The following FGF13 variants were observed in gnomAD, a reference collection of about 807,000 sequenced individuals.
FGF13 encodes the protein fibroblast growth factor homologous factor 2.
A neutral mutation model predicts 19.5 loss-of-function variants in FGF13; 2 were observed. That is an observed-to-expected ratio of 0.10 (90% CI 0.04 to 0.32). The LOEUF is 0.32. FGF13 is among the 10% of genes least tolerant of loss of function. The probability of loss-of-function intolerance (pLI) is 1.00; values close to 1 mark genes in which losing one functional copy is unlikely to be tolerated. For synonymous variants in FGF13, 72 were observed against 76.9 expected (o/e 0.94, Z 0.33); for missense variants, 113 against 192.7 (o/e 0.59, Z 2.45).
At chrX:138,996,621 C>A (rs1306567927) in intron 1 of FGF13, among the ~76,000 whole-genome samples, 3 of 112,714 alleles carry the variant, frequency 2.7e-5, no homozygotes, top group Non-Finnish European at 3.8e-5. Flanking sequence ...CCGACTGCCT[C>A]TCTAGATTCT....
intron 1 of FGF13, among the ~76,000 whole-genome samples, chrX:138,913,638 GAGGAAGGAAGGAAGGAAGGA>G (rs747877973): frequency 0.012 from 740 of 61,769 alleles, 19 homozygotes; most frequent in African/African-American, 0.037. Context: ...AGGAGGGATG[GAGGAAGGAAGGAAGGAAGGA>G]AGGAAGGAAG....
At chrX:138,865,459 CT>C (rs1205451361) in intron 1 of FGF13, among the ~76,000 whole-genome samples, 1 of 83,901 alleles carries the variant, frequency 1.2e-5, no homozygotes, top group Non-Finnish European at 2.3e-5. Context: ...TCCTCTCTCT[CT>C]CTCTCTCTCT....
chrX:138,649,939 A>G (rs1170314723), intron 3 of FGF13, among the ~76,000 whole-genome samples: 1 of 112,193 alleles, frequency 8.9e-6, no homozygotes, highest in African/African-American at 3.2e-5. Flanking sequence ...CATTTAATGA[A>G]GAGTTTACTC....
chrX:138,699,925 G>C (rs1157094018), intron 3 of FGF13, among the ~76,000 whole-genome samples: 1 of 110,867 alleles, frequency 9.0e-6, no homozygotes, highest in African/African-American at 3.3e-5. Flanking sequence ...GCTTTTTCCC[G>C]CTTTATTCAG....
chrX:138,833,614 T>G (rs1394477912), intron 3 of FGF13, among the ~76,000 whole-genome samples: 1 of 111,720 alleles, frequency 9.0e-6, no homozygotes, highest in Admixed American at 9.5e-5. Context: ...AGGGATAATT[T>G]GACTTCCTCT....
chrX:139,071,095 T>C (rs921856215), intron 1 of FGF13, among the ~76,000 whole-genome samples: 4 of 111,191 alleles, frequency 3.6e-5, no homozygotes, highest in Non-Finnish European at 7.5e-5. Flanking sequence ...AACCTGCTCA[T>C]TCTGCACATG....
intron 1 of FGF13, among the ~76,000 whole-genome samples, chrX:139,121,184 G>C (rs1487708651): frequency 8.9e-6 from 1 of 111,849 alleles, no homozygotes; most frequent in African/African-American, 3.3e-5. Flanking sequence ...GTCACAAAAT[G>C]TTAGCAATTC....
intron 1 of FGF13, among the ~76,000 whole-genome samples, chrX:138,728,885 G>A (rs1016540385): frequency 9.0e-6 from 1 of 111,330 alleles, no homozygotes; most frequent in Non-Finnish European, 1.9e-5. Context: ...CAGGTACTCA[G>A]AGCTAAAGCA....
intron 1 of FGF13, among the ~76,000 whole-genome samples, chrX:138,966,479 C>T (rs758746300): frequency 4.5e-5 from 5 of 112,171 alleles, no homozygotes; most frequent in Admixed American, 3.8e-4. Flanking sequence ...CACTGGATTT[C>T]GAACTTGTGT....
chrX:138,951,796 A>T (rs181362409), intron 1 of FGF13, among the ~76,000 whole-genome samples: 8 of 112,152 alleles, frequency 7.1e-5, no homozygotes, highest in Non-Finnish European at 1.3e-4. Flanking sequence ...CCTGTTAGGT[A>T]TAGCCTGTTT....
intron 1 of FGF13, among the ~76,000 whole-genome samples, chrX:138,717,230 C>A (rs981024102): frequency 9.0e-6 from 1 of 111,580 alleles, no homozygotes; most frequent in Non-Finnish European, 1.9e-5. Flanking sequence ...TAGCAGCTTT[C>A]TGGGGCGGAG....
intron 1 of FGF13, among the ~76,000 whole-genome samples, chrX:138,968,033 C>G: frequency 9.0e-6 from 1 of 111,415 alleles, no homozygotes; most frequent in Non-Finnish European, 1.9e-5. Context: ...GTTGCAGAAC[C>G]CAAACTCGAC....
intron 3 of FGF13, among the ~76,000 whole-genome samples, chrX:138,639,934 A>G (rs917314435): frequency 3.6e-5 from 4 of 110,428 alleles, no homozygotes; most frequent in Non-Finnish European, 5.7e-5. Context: ...CAGAGGCTGC[A>G]GTGAGCCGAG....
Position 138,627,634 on chromosome X carries a change from T to TGTGC in FGF13, c.*5215_*5216insGCAC, listed in dbSNP as rs1556025551. ...GTGTGTGTGTGTGTGTGTGCGCGTG[T>TGTGC]GTGTGTGTGTGTGTGTGAAGTGTTT... is the stretch of plus-strand genomic sequence containing the variant. On this transcript the variant is annotated 3_prime_UTR_variant, in exon 5 of 5. Transcript: ENST00000315930. 8 of 102,157 alleles carry TGTGC rather than the reference T, an allele frequency of 7.8e-5. No homozygotes were observed. The highest frequency in any genetic ancestry group is 3.0e-4 in the African/African-American group (8 of 26,350). The allele number at this position is 102,157 out of a possible 1,213,427, so 8.4% of individuals were successfully genotyped here.
At chrX:139,034,810 G>C (rs2092245316) in intron 1 of FGF13, among the ~76,000 whole-genome samples, 1 of 111,807 alleles carries the variant, frequency 8.9e-6, no homozygotes, top group South Asian at 3.7e-4. Context: ...TTGGAGTTAG[G>C]AATTACTTTT....
chrX:139,095,056 T>C (rs1195167173), intron 1 of FGF13, among the ~76,000 whole-genome samples: 3 of 112,386 alleles, frequency 2.7e-5, no homozygotes, highest in African/African-American at 9.7e-5. Context: ...CTGAGCAATC[T>C]CCTGAGGATA....
chrX:138,694,512 G>A (rs1388224111), intron 3 of FGF13, among the ~76,000 whole-genome samples: 1 of 100,408 alleles, frequency 1.0e-5, no homozygotes, highest in Admixed American at 1.1e-4. Flanking sequence ...GTGCAGTGGC[G>A]CAATCTTGGC....
rs527423537 is a variant in FGF13 at position 138,833,310 on chromosome X, C to T, written c.217+24202G>A. 3.6e-5 allele frequency among the ~76,000 whole-genome samples: 4 copies of T among 111,934 alleles called. No individual in the cohort carries two copies. In the South Asian group the frequency reaches 1.5e-3, roughly 42 times the overall value. ...GTCCATGAGCATGGAATGTTTCTCCCTTTGTTTGTGTCATCTCCGATTTCT... is the reference window on the plus strand; with the variant it reads ...GTCCATGAGCATGGAATGTTTCTCCTTTTGTTTGTGTCATCTCCGATTTCT... On this transcript the variant is annotated intron_variant, in intron 3 of 6. Coordinates refer to the FGF13 transcript ENST00000436198.
At chrX:138,816,449 A>T (rs1433714338) in intron 3 of FGF13, among the ~76,000 whole-genome samples, 1 of 112,238 alleles carries the variant, frequency 8.9e-6, no homozygotes, top group East Asian at 2.8e-4. Context: ...TGACCCAGCA[A>T]TCGCACTCAT....
Sources: allele counts gnomAD v4.1 joint callset (sites outside exome capture counted in the v4.1 genomes callset), GRCh38; gene constraint gnomAD v4.1.1; transcripts MANE v1.5; gene names NCBI Gene and HGNC (gene_info 2026-07-23, HGNC 2026-07-21).